Variants in BNC2 observed in about 807,000 individuals in gnomAD.
The protein encoded by BNC2 is zinc finger protein basonuclin-2.
BNC2 carries 20 observed loss-of-function variants against 76.3 expected under a neutral mutation model. The ratio of observed to expected loss-of-function variants is 0.26; its 90% confidence interval spans 0.18 to 0.38. The LOEUF (loss-of-function observed/expected upper bound fraction) is 0.38, where lower values mean the gene tolerates loss of function less well. Ranked by LOEUF, BNC2 falls within the 10% of genes least tolerant of loss-of-function variation. BNC2 has a pLI of 1.00. For synonymous variants in BNC2, 582 were observed against 514.8 expected, an observed-to-expected ratio of 1.13 and a Z score of -1.77; for missense variants, 1,382 against 1,399.8, an observed-to-expected ratio of 0.99 and a Z score of 0.20.
chr9:16,593,851 T>A (rs1819997874), intron 3 of BNC2, among the ~76,000 whole-genome samples: 1 of 152,114 alleles, frequency 6.6e-6, no homozygotes, highest in Non-Finnish European at 1.5e-5. Flanking sequence ...TAACTCAGTC[T>A]ATATTTACCA....
At chr9:16,632,782 C>T (rs910808658) in intron 3 of BNC2, among the ~76,000 whole-genome samples, 1 of 152,144 alleles carries the variant, frequency 6.6e-6, no homozygotes, top group Non-Finnish European at 1.5e-5. Context: ...GAGTGTGATG[C>T]AAATTTTGAT....
intron 3 of BNC2, among the ~76,000 whole-genome samples, chr9:16,708,040 T>C (rs994907999): frequency 6.6e-6 from 1 of 152,190 alleles, no homozygotes; most frequent in Non-Finnish European, 1.5e-5. Flanking sequence ...TGAAAACTAT[T>C]TTCTATGAAA....
chr9:16,579,966 G>A lies in BNC2; in HGVS notation c.433+3017C>T, dbSNP rs905391614. ...TTCAGTGCTACCATGAAACCATTCTGGGCAATGTATCTTGGTAGTTTTGTT... is the reference window on the plus strand; with the variant it reads ...TTCAGTGCTACCATGAAACCATTCTAGGCAATGTATCTTGGTAGTTTTGTT... On this transcript the variant is annotated intron_variant, in intron 4 of 6. Coordinates refer to ENST00000380672, the MANE Select transcript of BNC2 (RefSeq NM_017637.6). The A allele has an allele frequency of 1.3e-5, 5 of 396,624 alleles. No individual in the cohort carries two copies. In the Admixed American group the frequency reaches 2.2e-4, roughly 18 times the overall value. 24.6% of individuals were successfully genotyped at this position (396,624 alleles called of 1,614,324 possible).
In BNC2 at chr9:16,452,109, T is replaced by C. The variant is rs1821352892; in HGVS notation, c.670-14585A>G. On this transcript the variant is annotated intron_variant, in intron 5 of 6. Transcript: ENST00000380672. ...TGGTGCAGGGAGGCAGCATCATTACTAGTACGCTAGGGGTGAAGAACAAGT... is the reference window on the plus strand; with the variant it reads ...TGGTGCAGGGAGGCAGCATCATTACCAGTACGCTAGGGGTGAAGAACAAGT... 3.3e-5 allele frequency among the ~76,000 whole-genome samples: 5 copies of C among 152,206 alleles called. No homozygotes were observed. The South Asian group carries it at 1.0e-3, about 32-fold the overall frequency.
intron 5 of BNC2, among the ~76,000 whole-genome samples, chr9:16,524,492 G>GTT (rs113060898): frequency 2.7e-5 from 4 of 150,642 alleles, no homozygotes; most frequent in African/African-American, 9.7e-5. Context: ...TCCATTTCCT[G>GTT]TTTTTTTTTG....
intron 3 of BNC2, among the ~76,000 whole-genome samples, chr9:16,634,148 C>T (rs1486387576): frequency 6.6e-6 from 1 of 152,194 alleles, no homozygotes; most frequent in African/African-American, 2.4e-5. Context: ...GAATAATATT[C>T]CCCAATTGCA....
At chr9:16,761,767 G>C (rs972917504) in intron 1 of BNC2, among the ~76,000 whole-genome samples, 5 of 152,120 alleles carry the variant, frequency 3.3e-5, no homozygotes, top group African/African-American at 1.2e-4. Context: ...TTGATGAACA[G>C]AAATAACTTA....
chr9:16,495,748 G>A (rs1435151902), intron 5 of BNC2, among the ~76,000 whole-genome samples: 1 of 152,130 alleles, frequency 6.6e-6, no homozygotes, highest in Non-Finnish European at 1.5e-5. Flanking sequence ...TTGATTTCAT[G>A]GCTCTCTGAA....
intron 5 of BNC2, among the ~76,000 whole-genome samples, chr9:16,509,849 CAG>C (rs1217777676): frequency 6.6e-6 from 1 of 152,190 alleles, no homozygotes; most frequent in Admixed American, 6.5e-5. Flanking sequence ...TTCTAAGAAA[CAG>C]AGGTCACCTG....
intron 3 of BNC2, among the ~76,000 whole-genome samples, chr9:16,659,474 GGT>G (rs1444893484): frequency 6.6e-6 from 1 of 152,034 alleles, no homozygotes; most frequent in Non-Finnish European, 1.5e-5. Flanking sequence ...TGTGTGTGGT[GGT>G]GCATGCCTGT....
At chr9:16,787,098 T>A (rs1472253920) in intron 1 of BNC2, among the ~76,000 whole-genome samples, 7 of 152,292 alleles carry the variant, frequency 4.6e-5, no homozygotes, top group East Asian at 1.9e-4. Context: ...AAGTAAAGAA[T>A]GGAATTAAAC....
intron 1 of BNC2, among the ~76,000 whole-genome samples, chr9:16,826,054 C>G (rs1175179302): frequency 6.6e-6 from 1 of 152,142 alleles, no homozygotes; most frequent in African/African-American, 2.4e-5. Flanking sequence ...CACAAATCCC[C>G]TGATGGAACT....
chr9:16,441,554 G>C (rs1821128689), intron 5 of BNC2, among the ~76,000 whole-genome samples: 1 of 152,178 alleles, frequency 6.6e-6, no homozygotes, highest in Admixed American at 6.5e-5. Flanking sequence ...GTATGGTTTG[G>C]TGCTTTGATT....
At chr9:16,472,189 G>A (rs1821840830) in intron 5 of BNC2, among the ~76,000 whole-genome samples, 1 of 152,156 alleles carries the variant, frequency 6.6e-6, no homozygotes, top group Admixed American at 6.5e-5. Flanking sequence ...ATATTGTCCT[G>A]TAGTAACACA....
chr9:16,502,559 C>A (rs904253955), intron 5 of BNC2, among the ~76,000 whole-genome samples: 3 of 149,692 alleles, frequency 2.0e-5, no homozygotes, highest in Non-Finnish European at 2.9e-5. Context: ...TTTTCCCCCC[C>A]TCTTACTTCT....
intron 2 of BNC2, among the ~76,000 whole-genome samples, chr9:16,736,988 T>G (rs1445782117): frequency 7.9e-5 from 12 of 151,500 alleles, no homozygotes; most frequent in Admixed American, 2.6e-4. Flanking sequence ...GTATTTTTAG[T>G]AGAGACAGGG....
At chr9:16,805,474 G>A (rs2480924) in intron 1 of BNC2, among the ~76,000 whole-genome samples, 9,470 of 151,978 alleles carry the variant, frequency 0.062, 322 homozygotes, top group South Asian at 0.12. Context: ...TTACAGGCGC[G>A]TGCCACCACA....
intron 3 of BNC2, among the ~76,000 whole-genome samples, chr9:16,599,235 T>G (rs917367313): frequency 2.6e-5 from 4 of 152,262 alleles, no homozygotes; most frequent in Non-Finnish European, 4.4e-5. Context: ...CAAAGTGATT[T>G]GGAATATGAG....
intron 3 of BNC2, among the ~76,000 whole-genome samples, chr9:16,624,086 TTTAAAAGCC>T (rs1490657061): frequency 3.3e-5 from 5 of 152,216 alleles, no homozygotes; most frequent in Non-Finnish European, 7.3e-5. Flanking sequence ...TACAATGTTT[TTTAAAAGCC>T]TTATTTCTTC....
Sources: allele counts gnomAD v4.1 joint callset (sites outside exome capture counted in the v4.1 genomes callset), GRCh38; gene constraint gnomAD v4.1.1; transcripts MANE v1.5; gene names NCBI Gene and HGNC (gene_info 2026-07-23, HGNC 2026-07-21).